SLCO2A1: variants seen among roughly 807,000 people sequenced by gnomAD.
The protein encoded by SLCO2A1 is solute carrier organic anion transporter family member 2A1, also known as matrin F/G 1.
Under a neutral mutation model 71.7 loss-of-function variants are expected in SLCO2A1, and 60 were observed. That is an observed-to-expected ratio of 0.84 (90% confidence interval 0.68 to 1.04). The LOEUF is 1.04. Ranked by LOEUF, SLCO2A1 falls within the 50% of genes least tolerant of loss-of-function variation. The probability of loss-of-function intolerance (pLI) is 0.00; values close to 1 mark genes in which losing one functional copy is unlikely to be tolerated. For missense variants in SLCO2A1, 745 were observed against 813.4 expected, an observed-to-expected ratio of 0.92 and a Z score of 1.02; for synonymous variants, 308 against 326.7, an observed-to-expected ratio of 0.94 and a Z score of 0.62.
Position 133,973,718 on chromosome 3 carries a change from G to A in SLCO2A1, c.342C>T (p.Ile114=). The A allele has an allele frequency of 1.9e-6, 3 of 1,614,118 alleles. No individual in the cohort carries two copies. Among genetic ancestry groups the A allele is most frequent in the Non-Finnish European group, 2.5e-6 (3 of 1,180,032 alleles). Residue 114 remains isoleucine (I), a synonymous_variant, in exon 3 of 14, where the codon ATC becomes ATT. Coordinates refer to ENST00000310926, the MANE Select transcript of SLCO2A1 (RefSeq NM_005630.3). ...CGGAGAGGAAGTGTGGGAGGGTGAGGATGAAGGCACCTGCAGCCAGGAAGA... is the reference window on the plus strand; with the variant it reads ...CGGAGAGGAAGTGTGGGAGGGTGAGAATGAAGGCACCTGCAGCCAGGAAGA... ...GGLFLAAGAF[I]LTLPHFLSEP... is the part of the protein sequence containing the mutation.
intron 10 of SLCO2A1, among the ~76,000 whole-genome samples, chr3:133,943,398 G>T (rs1016099159): frequency 6.6e-6 from 1 of 152,208 alleles, no homozygotes; most frequent in African/African-American, 2.4e-5. Flanking sequence ...GCCCTTGTCA[G>T]ATGGCCCAGC....
intron 1 of SLCO2A1, among the ~76,000 whole-genome samples, chr3:134,019,646 A>C (rs1056769792): frequency 6.6e-6 from 1 of 152,164 alleles, no homozygotes; most frequent in South Asian, 2.1e-4. Flanking sequence ...TCTTGCAGGT[A>C]AGGACGCTGA....
chr3:134,011,195 T>C (rs1935335027), intron 1 of SLCO2A1, among the ~76,000 whole-genome samples: 4 of 152,100 alleles, frequency 2.6e-5, no homozygotes, highest in South Asian at 4.2e-4. Flanking sequence ...GGATTACAGG[T>C]GTGCACCACC....
chr3:134,001,784 C>T (rs2108070061), intron 1 of SLCO2A1, among the ~76,000 whole-genome samples: 1 of 152,262 alleles, frequency 6.6e-6, no homozygotes, highest in African/African-American at 2.4e-5. Context: ...CTGTTACATG[C>T]AGAGGTCAAG....
intron 1 of SLCO2A1, among the ~76,000 whole-genome samples, chr3:133,996,129 G>C (rs1464795223): frequency 6.6e-6 from 1 of 152,172 alleles, no homozygotes; most frequent in African/African-American, 2.4e-5. Context: ...GGCTGGTGGT[G>C]AACAGCCCGA....
At chr3:133,942,382 G>A (rs977314062) in intron 11 of SLCO2A1, 32 of 488,732 alleles carry the variant, frequency 6.5e-5, no homozygotes, top group Non-Finnish European at 3.6e-6. Flanking sequence ...ATGAGGCCCT[G>A]CAATGAGGAG....
At chr3:133,989,258 T>C (rs570044427) in intron 1 of SLCO2A1, among the ~76,000 whole-genome samples, 2 of 152,366 alleles carry the variant, frequency 1.3e-5, no homozygotes, top group South Asian at 2.1e-4. Flanking sequence ...ACTCCCACCC[T>C]GCGGAGTTCT....
chr3:133,991,249 C>G (rs1297361540), intron 1 of SLCO2A1, among the ~76,000 whole-genome samples: 3 of 152,192 alleles, frequency 2.0e-5, no homozygotes, highest in Non-Finnish European at 4.4e-5. Flanking sequence ...TTCTCCCTGT[C>G]CCCAACCCCT....
In SLCO2A1 at chr3:133,942,736, TC is replaced by T; in HGVS notation, c.1493del (p.Gly498AspfsTer30). On this transcript the variant is annotated frameshift_variant, in exon 11 of 14. Transcript: ENST00000310926. LOFTEE classifies it high-confidence loss of function. ...ACGATCCTGTCTTTGCTGAAGCGGA[TC>T]CCCCGGTCACACAGCTGCAGTTCAA... Reference protein sequence around the residue: ...IYLNCSCVTGGSASAKTGSCP... With the variant: ...IYLNCSCVTGXSASAKTGSCP... The T allele has an allele frequency of 6.2e-7, 1 of 1,609,244 alleles. No homozygotes were observed. Among genetic ancestry groups the T allele is most frequent in the Non-Finnish European group, 8.5e-7 (1 of 1,178,310 alleles).
intron 2 of SLCO2A1, among the ~76,000 whole-genome samples, chr3:133,974,894 G>A (rs990646612): frequency 1.3e-5 from 2 of 152,226 alleles, no homozygotes; most frequent in African/African-American, 4.8e-5. Context: ...AGGAAACAGA[G>A]GCTAGAGCCT....
In SLCO2A1 at chr3:133,934,781, A is replaced by G. The variant is rs1933225852; in HGVS notation, c.1864T>C (p.Cys622Arg). The change falls in exon 14 of 14, where the codon TGC becomes CGC. Residue 622 changes from cysteine to arginine, a missense_variant. Physicochemically the swap from Cys to Arg is radical, Grantham distance 180 (BLOSUM62 -3). Transcript: ENST00000310926. Reference sequence around the variant, plus strand: ...TTCTTCACCCTCCAGCTGATGAAGCAAAGCAGCAGCATGCCCAGCGCCTTG... The same window carrying G: ...TTCTTCACCCTCCAGCTGATGAAGCGAAGCAGCAGCATGCCCAGCGCCTTG... ...GYKALGMLLLCFISWRVKKNK... is the reference protein window; with the variant it reads ...GYKALGMLLLRFISWRVKKNK... The G allele has an allele frequency of 6.2e-7, 1 of 1,612,974 alleles. No individual in the cohort carries two copies. The highest frequency in any genetic ancestry group is 1.7e-5 in the Admixed American group (1 of 59,988).
intron 3 of SLCO2A1, among the ~76,000 whole-genome samples, chr3:133,961,478 G>T (rs1313752271): frequency 1.3e-5 from 2 of 152,074 alleles, no homozygotes; most frequent in Non-Finnish European, 2.9e-5. Flanking sequence ...TTTTTTGCAA[G>T]GTATTTAATG....
At chr3:133,991,916 C>T (rs1221090930) in intron 1 of SLCO2A1, among the ~76,000 whole-genome samples, 1 of 152,240 alleles carries the variant, frequency 6.6e-6, no homozygotes, top group Non-Finnish European at 1.5e-5. Flanking sequence ...ATGAGAACAG[C>T]TTCTGGGAGG....
At chr3:133,972,529 A>G (rs1934347978) in intron 3 of SLCO2A1, among the ~76,000 whole-genome samples, 1 of 152,236 alleles carries the variant, frequency 6.6e-6, no homozygotes, top group Non-Finnish European at 1.5e-5. Context: ...GAAATAGCAC[A>G]TCGAACTTTC....
intron 3 of SLCO2A1, among the ~76,000 whole-genome samples, chr3:133,967,633 T>C (rs1003389517): frequency 6.7e-5 from 9 of 133,858 alleles, no homozygotes; most frequent in African/African-American, 2.1e-4. Context: ...TTCTCTGTTG[T>C]TTATTTTCTC....
intron 1 of SLCO2A1, among the ~76,000 whole-genome samples, chr3:134,017,531 G>A (rs150489300): frequency 2.6e-5 from 4 of 152,302 alleles, no homozygotes; most frequent in East Asian, 1.9e-4. Context: ...ACATGTTAGT[G>A]AACTTAACTT....
chr3:133,938,627 C>T, intron 11 of SLCO2A1, 134 bp from the exon 12 acceptor site: 1 of 758,640 alleles, frequency 1.3e-6, no homozygotes, highest in Non-Finnish European at 2.3e-6. Flanking sequence ...TGACCGGGTT[C>T]ACCTGGGCTG....
At chr3:133,958,427 G>A (rs764930178) in intron 3 of SLCO2A1, among the ~76,000 whole-genome samples, 20 of 152,194 alleles carry the variant, frequency 1.3e-4, no homozygotes, top group East Asian at 3.8e-4. Context: ...CAGGACACCC[G>A]GGGCTGTTGC....
At position 133,991,122 on chromosome 3, in the gene SLCO2A1, C is replaced by CA. The variant is rs113300859; in HGVS notation, c.97-11505dup. The stretch of plus-strand genomic sequence containing the variant: ...AAGACTCCATCTCAAAAAAACAAAA[C>CA]AAAAAAAAACAAGCAAAAAACAAAA... On this transcript the variant is annotated intron_variant, in intron 1 of 13. Coordinates refer to ENST00000310926, the MANE Select transcript of SLCO2A1 (RefSeq NM_005630.3). Among the ~76,000 whole-genome samples the CA allele has an allele frequency of 3.0e-3, 457 of 150,308 alleles. 4 individuals are homozygous for CA. Among genetic ancestry groups the CA allele is most frequent in the South Asian group, 0.015 (71 of 4,748 alleles).
Sources: gnomAD v4.1 joint callset for allele counts (sites outside exome capture counted in the v4.1 genomes callset) on GRCh38, gnomAD v4.1.1 for gene constraint, MANE v1.5 for transcripts, NCBI Gene and HGNC (gene_info 2026-07-23, HGNC 2026-07-21) for gene names.